Variants in CCDC191 observed in about 807,000 individuals in gnomAD.
CCDC191 encodes the protein coiled-coil domain containing 191.
CCDC191 carries 99 observed loss-of-function variants against 114.0 expected under a neutral mutation model. The observed-to-expected ratio is 0.87, with a 90% CI of 0.74 to 1.03. CCDC191 has a LOEUF of 1.03. CCDC191 is among the 50% of genes least tolerant of loss of function. The pLI, the probability that CCDC191 is intolerant of heterozygous loss-of-function variation, is 0.00. For missense variants in CCDC191, 973 were observed against 1,087.0 expected, an observed-to-expected ratio of 0.90 and a Z score of 1.47; for synonymous variants, 351 against 376.0, an observed-to-expected ratio of 0.93 and a Z score of 0.77.
chr3:113,968,953 A>C (rs1381418256), intron 16 of CCDC191, among the ~76,000 whole-genome samples: 1 of 152,168 alleles, frequency 6.6e-6, no homozygotes, highest in Admixed American at 6.5e-5. Flanking sequence ...GTATGGCACT[A>C]GCATCTGTTT....
intron 15 of CCDC191, 155 bp downstream of exon 15, chr3:113,978,703 C>T: frequency 1.3e-6 from 1 of 799,874 alleles, no homozygotes; most frequent in Non-Finnish European, 2.0e-6. Context: ...ACTGATTTAC[C>T]ATTTTCACAT....
chr3:114,053,403 T>G (rs2076722792), intron 2 of CCDC191, among the ~76,000 whole-genome samples, 194 bp downstream of exon 2: 1 of 152,048 alleles, frequency 6.6e-6, no homozygotes, highest in African/African-American at 2.4e-5. Context: ...CATTCCTACT[T>G]AAATGGTATC....
At position 114,053,619 on chromosome 3, in the gene CCDC191, T is replaced by C; in HGVS notation, c.107A>G (p.Asp36Gly). ...TACCTTTATCCAGTGTTCCACACTG[T>C]CAGGACCAAAAGTAGGCTGTAGATA... ...KPSPKPTFGPDSVEHWIKRVE... is the reference protein window; with the variant it reads ...KPSPKPTFGPGSVEHWIKRVE... Residue 36 changes from aspartate (D) to glycine (G), a missense_variant, in exon 2 of 17, where the codon GAC becomes GGC. Coordinates refer to ENST00000295878, the MANE Select transcript of CCDC191 (RefSeq NM_020817.2). The C allele has an allele frequency of 6.3e-7, 1 of 1,589,800 alleles. No individual in the cohort carries two copies. Among genetic ancestry groups the C allele is most frequent in the East Asian group, 2.2e-5 (1 of 44,518 alleles).
intron 16 of CCDC191, among the ~76,000 whole-genome samples, chr3:113,972,000 T>C (rs2107573746): frequency 6.6e-6 from 1 of 152,292 alleles, no homozygotes; most frequent in Admixed American, 6.5e-5. Context: ...TGATTCTTTG[T>C]ATTTTTGATG....
At chr3:114,005,395 A>C in intron 10 of CCDC191, 113 bp downstream of exon 10, 1 of 1,085,432 alleles carries the variant, frequency 9.2e-7, no homozygotes, top group African/African-American at 1.6e-5. Context: ...GAGAGTGCAA[A>C]ATCAAGGAAA....
chr3:114,049,292 A>G (rs1577481820), intron 2 of CCDC191, among the ~76,000 whole-genome samples: 1 of 152,228 alleles, frequency 6.6e-6, no homozygotes, highest in African/African-American at 2.4e-5. Flanking sequence ...TGTTGGTAGC[A>G]TACGTCATGT....
At chr3:114,009,967 C>T (rs866230214) in intron 9 of CCDC191, among the ~76,000 whole-genome samples, 3 of 151,706 alleles carry the variant, frequency 2.0e-5, no homozygotes, top group Non-Finnish European at 2.9e-5. Context: ...CGTCCACTTG[C>T]GGAACTTAAA....
In CCDC191 at chr3:113,986,618, G is replaced by A. The variant is rs11920616; in HGVS notation, c.2164-5825C>T. 4.7e-3 allele frequency among the ~76,000 whole-genome samples: 717 copies of A among 152,268 alleles called. 7 individuals are homozygous for A. The highest frequency in any genetic ancestry group is 0.016 in the African/African-American group (682 of 41,554). Reference sequence around the variant, plus strand: ...CATTACCTACTGTCATGAACTGAATGCTTGTGTCCCCCTAAAGTTACTGTG... The same window carrying A: ...CATTACCTACTGTCATGAACTGAATACTTGTGTCCCCCTAAAGTTACTGTG... On this transcript the variant is annotated intron_variant, in intron 13 of 16. Transcript: ENST00000295878.
At chr3:114,010,381 CTT>C (rs1029664489) in intron 9 of CCDC191, among the ~76,000 whole-genome samples, 2 of 152,050 alleles carry the variant, frequency 1.3e-5, no homozygotes, top group African/African-American at 4.8e-5. Flanking sequence ...GTACATATGA[CTT>C]TTCTTATTAG....
At chr3:113,974,552 TCA>T (rs201011317) in intron 16 of CCDC191, among the ~76,000 whole-genome samples, 17,079 of 152,204 alleles carry the variant, frequency 0.11, 1,154 homozygotes, top group Admixed American at 0.18. Flanking sequence ...ATTCCTCACC[TCA>T]GGTGATCTGC....
chr3:114,031,212 G>C (rs2076399352), intron 7 of CCDC191, among the ~76,000 whole-genome samples: 1 of 152,198 alleles, frequency 6.6e-6, no homozygotes, highest in South Asian at 2.1e-4. Context: ...CTACTAAAAG[G>C]CAAGTAACCA....
At chr3:114,008,402 T>C (rs1371952093) in intron 9 of CCDC191, among the ~76,000 whole-genome samples, 1 of 152,038 alleles carries the variant, frequency 6.6e-6, no homozygotes. Context: ...AAATTAAAAC[T>C]AGCCTACTTG....
At chr3:113,983,444 G>A (rs1331823105) in intron 13 of CCDC191, among the ~76,000 whole-genome samples, 2 of 152,020 alleles carry the variant, frequency 1.3e-5, no homozygotes, top group Admixed American at 6.6e-5. Flanking sequence ...TGTTCATTTG[G>A]ATGTCCAATA....
chr3:114,045,980 G>A (rs1432570682), intron 3 of CCDC191, among the ~76,000 whole-genome samples: 1 of 152,204 alleles, frequency 6.6e-6, no homozygotes, highest in East Asian at 1.9e-4. Flanking sequence ...GAGTATATGT[G>A]TGTTGAATAA....
At chr3:114,024,233 T>C (rs2076285891) in intron 7 of CCDC191, among the ~76,000 whole-genome samples, 1 of 152,092 alleles carries the variant, frequency 6.6e-6, no homozygotes, top group African/African-American at 2.4e-5. Flanking sequence ...GAAATAGGAA[T>C]ACTTTTACAC....
intron 3 of CCDC191, among the ~76,000 whole-genome samples, chr3:114,045,567 A>G (rs1251009694): frequency 6.6e-6 from 1 of 151,948 alleles, no homozygotes; most frequent in East Asian, 1.9e-4. Context: ...AAACTGTCAT[A>G]TTACTCCTCT....
chr3:114,053,572 T>G (rs778688530), intron 2 of CCDC191, 25 bp downstream of exon 2: 37 of 1,464,950 alleles, frequency 2.5e-5, no homozygotes, highest in Middle Eastern at 1.8e-4. Flanking sequence ...ATACTCTTTT[T>G]ATTCTAAATT....
intron 12 of CCDC191, among the ~76,000 whole-genome samples, chr3:114,002,205 A>G (rs1193883959): frequency 1.3e-5 from 2 of 152,170 alleles, no homozygotes; most frequent in African/African-American, 4.8e-5. Context: ...TTATGTGTAA[A>G]TCTTCTAATC....
At chr3:114,013,072 T>G (rs958423077) in intron 8 of CCDC191, among the ~76,000 whole-genome samples, 3 of 151,708 alleles carry the variant, frequency 2.0e-5, no homozygotes, top group African/African-American at 4.8e-5. Context: ...ATAGTGAAAC[T>G]TCATCTCTAC....
Sources: allele counts gnomAD v4.1 joint callset (sites outside exome capture counted in the v4.1 genomes callset), GRCh38; gene constraint gnomAD v4.1.1; transcripts MANE v1.5; gene names NCBI Gene and HGNC (gene_info 2026-07-23, HGNC 2026-07-21).